CAMKMT: variants seen among roughly 807,000 people sequenced by gnomAD.
The protein encoded by CAMKMT is CaM KMT.
Under a neutral mutation model 48.0 loss-of-function variants are expected in CAMKMT, and 53 were observed. The observed-to-expected ratio is 1.10, with a 90% confidence interval of 0.89 to 1.39. The LOEUF is 1.39. Ranked by LOEUF, CAMKMT falls within the 40% of genes most tolerant of loss-of-function variation. The probability of loss-of-function intolerance (pLI) is 0.00; values close to 1 mark genes in which losing one functional copy is unlikely to be tolerated. For missense variants in CAMKMT, 428 were observed against 402.7 expected (o/e 1.06, Z -0.54); for synonymous variants, 165 against 152.3 (o/e 1.08, Z -0.61).
chr2:44,503,193 G>A (rs1558661120), intron 3 of CAMKMT, among the ~76,000 whole-genome samples: 1 of 151,516 alleles, frequency 6.6e-6, no homozygotes, highest in Admixed American at 6.6e-5. Flanking sequence ...TTTTTTTCCA[G>A]AAATTTAACC....
intron 3 of CAMKMT, among the ~76,000 whole-genome samples, chr2:44,414,537 G>C (rs770443893): frequency 2.0e-5 from 3 of 152,164 alleles, no homozygotes; most frequent in African/African-American, 7.2e-5. Context: ...GCTTCCACTA[G>C]AGTGTAAGAT....
intron 10 of CAMKMT, among the ~76,000 whole-genome samples, chr2:44,766,981 C>T (rs1160267067): frequency 6.6e-6 from 1 of 152,176 alleles, no homozygotes; most frequent in East Asian, 1.9e-4. Context: ...TTTATCTCTG[C>T]TTGCTTTATA....
chr2:44,663,337 T>C (rs1267860332), intron 3 of CAMKMT, among the ~76,000 whole-genome samples: 2 of 152,230 alleles, frequency 1.3e-5, no homozygotes, highest in African/African-American at 4.8e-5. Context: ...ATAGTAGCTG[T>C]GTGGATTACC....
At chr2:44,628,957 T>C (rs1481696149) in intron 3 of CAMKMT, among the ~76,000 whole-genome samples, 5 of 152,226 alleles carry the variant, frequency 3.3e-5, no homozygotes, top group African/African-American at 1.2e-4. Context: ...TGGGTAAATG[T>C]TTCATGTACA....
intron 7 of CAMKMT, among the ~76,000 whole-genome samples, chr2:44,724,468 C>G (rs896826666): frequency 1.3e-5 from 2 of 152,126 alleles, no homozygotes; most frequent in Non-Finnish European, 2.9e-5. Flanking sequence ...TTTGAACAAT[C>G]CGACATTTGA....
In CAMKMT at chr2:44,657,128, C is replaced by G. The variant is rs1254290333; in HGVS notation, c.377-47155C>G. ...TGCTAATTTGTTCTAATGTGCTGGT[C>G]AGAGTGCAGCCCCACCTGAAATCCA... On this transcript the variant is annotated intron_variant, in intron 3 of 10. Coordinates refer to ENST00000378494, the MANE Select transcript of CAMKMT (RefSeq NM_024766.5). This position sits in a 1 kb window ranked among gnomAD's most constrained non-coding sequence, Gnocchi z 4.3. 1.3e-5 allele frequency among the ~76,000 whole-genome samples: 2 copies of G among 152,168 alleles called. No individual in the cohort carries two copies.
chr2:44,535,265 C>G (rs989197842), intron 3 of CAMKMT, among the ~76,000 whole-genome samples: 1 of 152,070 alleles, frequency 6.6e-6, no homozygotes, highest in Non-Finnish European at 1.5e-5. Flanking sequence ...AGTCTCCCAA[C>G]AAAGAAAAGC....
At chr2:44,583,107 C>G (rs1303985775) in intron 3 of CAMKMT, among the ~76,000 whole-genome samples, 2 of 152,170 alleles carry the variant, frequency 1.3e-5, no homozygotes, top group African/African-American at 4.8e-5. Flanking sequence ...CTCTTCACAT[C>G]TGACCTATTT....
At position 44,743,655 on chromosome 2, in the gene CAMKMT, T is replaced by A. The variant is rs144924270; in HGVS notation, c.657T>A (p.Ser219=). ...GATGGGATAATGAGACAGATGTCTC[T>A]CAACTGGAAGGACATTTTGACATTG... The part of the protein sequence containing the change: ...VLRWDNETDV[S]QLEGHFDIVM... The change falls in exon 8 of 11, where the codon TCT becomes TCA. Residue 219 remains serine (S), a synonymous_variant. Transcript: ENST00000378494. The A allele has an allele frequency of 1.9e-5, 30 of 1,613,358 alleles. No individual in the cohort carries two copies. The highest frequency in any genetic ancestry group is 2.4e-5 in the Non-Finnish European group (28 of 1,179,622).
intron 6 of CAMKMT, among the ~76,000 whole-genome samples, chr2:44,709,022 C>A (rs987630072): frequency 3.9e-5 from 6 of 152,096 alleles, no homozygotes; most frequent in Non-Finnish European, 7.3e-5. Flanking sequence ...TATTATTGAG[C>A]TAAACTACAG....
Position 44,729,454 on chromosome 2 carries a change from G to A in CAMKMT, c.623+14101G>A, listed in dbSNP as rs79416947. Among the ~76,000 whole-genome samples the A allele has an allele frequency of 1.2e-3, 188 of 152,238 alleles. 1 individual carries two copies. The highest frequency in any genetic ancestry group is 5.6e-3 in the South Asian group (27 of 4,820). ...CAAGGTTGATGGCTCAGGGTGGTAC[G>A]GTATAATACCACTTCTTAATGGAAG... On this transcript the variant is annotated intron_variant, in intron 7 of 10. Coordinates refer to ENST00000378494, the MANE Select transcript of CAMKMT (RefSeq NM_024766.5).
intron 3 of CAMKMT, among the ~76,000 whole-genome samples, chr2:44,591,882 C>G (rs1472980082): frequency 6.6e-6 from 1 of 151,960 alleles, no homozygotes; most frequent in African/African-American, 2.4e-5. Context: ...ACTATGCAGC[C>G]ATAAAAAATG....
intron 3 of CAMKMT, among the ~76,000 whole-genome samples, chr2:44,526,670 C>G (rs1666124490): frequency 6.6e-6 from 1 of 152,086 alleles, no homozygotes; most frequent in Non-Finnish European, 1.5e-5. Flanking sequence ...TCTGTTTGGG[C>G]CCTCAACTGA....
chr2:44,769,732 G>A lies in CAMKMT; in HGVS notation c.895-2304G>A, dbSNP rs1195711098. On this transcript the variant is annotated intron_variant, in intron 10 of 10. Transcript: ENST00000378494. ...TGTACATAGCTCTGAAAATAGGCTT[G>A]GGCTGGGCTGTGAAGTCAGTACATT... Among the ~76,000 whole-genome samples, 4 of 152,074 alleles carry A rather than the reference G, an allele frequency of 2.6e-5. No individual in the cohort carries two copies. In the East Asian group the frequency reaches 5.8e-4, roughly 22 times the overall value.
At chr2:44,506,070 G>C (rs1451649673) in intron 3 of CAMKMT, among the ~76,000 whole-genome samples, 2 of 151,954 alleles carry the variant, frequency 1.3e-5, no homozygotes, top group Non-Finnish European at 2.9e-5. Flanking sequence ...TGCTCAGGCT[G>C]GTCTCGAACT....
intron 3 of CAMKMT, among the ~76,000 whole-genome samples, chr2:44,465,111 G>A (rs192714659): frequency 1.8e-4 from 28 of 152,108 alleles, no homozygotes; most frequent in African/African-American, 6.3e-4. Flanking sequence ...AAAAAGATAC[G>A]TAATTTGTGA....
chr2:44,389,740 A>C (rs1255738839), intron 2 of CAMKMT, among the ~76,000 whole-genome samples: 1 of 152,238 alleles, frequency 6.6e-6, no homozygotes, highest in Admixed American at 6.5e-5. Context: ...ATTAGTGGGC[A>C]AAAGATACAA....
intron 3 of CAMKMT, among the ~76,000 whole-genome samples, chr2:44,549,135 A>G (rs1402443592): frequency 6.6e-6 from 1 of 152,084 alleles, no homozygotes; most frequent in Non-Finnish European, 1.5e-5. Context: ...TTTCTGGTAC[A>G]TCGGCTAAGC....
At chr2:44,568,203 G>A (rs1668715904) in intron 3 of CAMKMT, among the ~76,000 whole-genome samples, 1 of 152,008 alleles carries the variant, frequency 6.6e-6, no homozygotes, top group African/African-American at 2.4e-5. Context: ...CCTGAAATGA[G>A]CAAAACGAGC....
Sources: allele counts gnomAD v4.1 joint callset (sites outside exome capture counted in the v4.1 genomes callset), GRCh38; gene constraint gnomAD v4.1.1; non-coding constraint Gnocchi (gnomAD v3.1); transcripts MANE v1.5; gene names NCBI Gene and HGNC (gene_info 2026-07-23, HGNC 2026-07-21).